The following JARID2 variants were observed in gnomAD, a reference collection of about 807,000 sequenced individuals.
JARID2 encodes protein Jumonji.
Under a neutral mutation model 125.6 loss-of-function variants are expected in JARID2, and 21 were observed. The ratio of observed to expected loss-of-function variants is 0.17; its 90% confidence interval spans 0.12 to 0.24. The LOEUF is 0.24. Ranked by LOEUF, JARID2 falls within the 10% of genes least tolerant of loss-of-function variation. The pLI is 1.00. For synonymous variants in JARID2, 736 were observed against 661.6 expected (o/e 1.11, Z -1.73); for missense variants, 1,303 against 1,639.6 (o/e 0.79, Z 3.55).
chr6:15,461,750 G>A (rs149319683), intron 4 of JARID2, among the ~76,000 whole-genome samples: 126 of 152,290 alleles, frequency 8.3e-4, no homozygotes, highest in Middle Eastern at 6.8e-3. Flanking sequence ...CCATAAAAAT[G>A]TTTCGACTGA....
At chr6:15,473,246 TG>T (rs1769162259) in intron 5 of JARID2, among the ~76,000 whole-genome samples, 1 of 152,166 alleles carries the variant, frequency 6.6e-6, no homozygotes, top group Non-Finnish European at 1.5e-5. Flanking sequence ...GATTAACTTC[TG>T]TATAAATGAG....
intron 1 of JARID2, among the ~76,000 whole-genome samples, chr6:15,319,850 A>T (rs747675439): frequency 6.6e-6 from 1 of 152,192 alleles, no homozygotes; most frequent in Non-Finnish European, 1.5e-5. Flanking sequence ...TCTTAAACAA[A>T]TTATGCAAAT....
rs778296232 is a variant in JARID2 at position 15,298,679 on chromosome 6, C to CA, written c.45+52110dup. Among the ~76,000 whole-genome samples, 468 of 81,074 alleles carry CA rather than the reference C, an allele frequency of 5.8e-3. 2 individuals carry two copies. The highest frequency in any genetic ancestry group is 0.027 in the East Asian group (76 of 2,794). The allele number at this position is 81,074 out of a possible 152,430, so 53.2% of individuals were successfully genotyped here. ...TGGGCAACAGAGTGAGACTCCATCT[C>CA]AAAAAAAAAAAAAAAGAAAAAATTT... is the stretch of plus-strand genomic sequence containing the variant. On this transcript the variant is annotated intron_variant, in intron 1 of 17. Transcript: ENST00000341776.
At chr6:15,468,739 G>C (rs777140446) in intron 5 of JARID2, 21 bp downstream of exon 5, 45 of 1,592,884 alleles carry the variant, frequency 2.8e-5, no homozygotes, top group Non-Finnish European at 3.5e-5. Flanking sequence ...CGTTGAACTT[G>C]GATAAGAAAA....
intron 5 of JARID2, among the ~76,000 whole-genome samples, chr6:15,469,011 A>T (rs1448821054): frequency 6.6e-6 from 1 of 152,134 alleles, no homozygotes; most frequent in Non-Finnish European, 1.5e-5. Flanking sequence ...ATGGTCAAGA[A>T]GATTTGGTGA....
chr6:15,415,024 G>A (rs932739532), intron 3 of JARID2, among the ~76,000 whole-genome samples: 2 of 152,168 alleles, frequency 1.3e-5, no homozygotes, highest in African/African-American at 4.8e-5. Context: ...CTCTTAACGA[G>A]CATGCTGCCT....
At chr6:15,251,624 A>G (rs1189675595) in intron 1 of JARID2, among the ~76,000 whole-genome samples, 3 of 152,184 alleles carry the variant, frequency 2.0e-5, no homozygotes, top group African/African-American at 4.8e-5. Context: ...GTTTGTTCCC[A>G]AATCTGGTTA....
intron 14 of JARID2, 92 bp downstream of exon 14, chr6:15,512,482 G>A: frequency 1.7e-6 from 2 of 1,160,008 alleles, no homozygotes; most frequent in Non-Finnish European, 1.3e-6. Context: ...GCGTGTGCGT[G>A]TCTATTTGTC....
At chr6:15,362,861 TGAGA>T (rs1447646355) in intron 1 of JARID2, among the ~76,000 whole-genome samples, 5 of 152,228 alleles carry the variant, frequency 3.3e-5, no homozygotes, top group Non-Finnish European at 7.4e-5. Flanking sequence ...TCCAAGGAAT[TGAGA>T]GACAGACAGG....
chr6:15,471,443 G>T (rs931666358), intron 5 of JARID2, among the ~76,000 whole-genome samples: 1 of 152,170 alleles, frequency 6.6e-6, no homozygotes, highest in African/African-American at 2.4e-5. Context: ...ACCCTCATCT[G>T]TTGTCTTCTG....
Position 15,513,047 on chromosome 6 carries a change from T to TA in JARID2, c.3266+4dup, listed in dbSNP as rs1435545764. The stretch of plus-strand genomic sequence containing the variant: ...CTCAGCCCTCCTGGATGAGCTCAGG[T>TA]AACAGACCCCCAGAGCCCACGCCAG... On this transcript the variant is annotated splice_region_variant and intron_variant, in intron 15 of 17. Transcript: ENST00000341776. 2.5e-6 allele frequency: 4 copies of TA among 1,613,904 alleles called. No individual in the cohort carries two copies. Among genetic ancestry groups the TA allele is most frequent in the Non-Finnish European group, 3.4e-6 (4 of 1,180,004 alleles).
chr6:15,487,689 A>C, intron 6 of JARID2, 147 bp downstream of exon 6: 1 of 723,540 alleles, frequency 1.4e-6, no homozygotes, highest in Non-Finnish European at 2.3e-6. Context: ...GCACCTTTGC[A>C]TGAGCTGCAG....
intron 1 of JARID2, among the ~76,000 whole-genome samples, chr6:15,330,420 T>A (rs1762670229): frequency 6.6e-6 from 1 of 152,236 alleles, no homozygotes; most frequent in South Asian, 2.1e-4. Flanking sequence ...TACAACACAG[T>A]GGTCACGACC....
intron 1 of JARID2, among the ~76,000 whole-genome samples, chr6:15,263,448 G>T (rs1424468409): frequency 6.6e-6 from 1 of 151,940 alleles, no homozygotes; most frequent in East Asian, 1.9e-4. Context: ...ACTACCCTTC[G>T]TAATGAACTC....
chr6:15,419,898 T>A (rs2127585458), intron 3 of JARID2, among the ~76,000 whole-genome samples: 1 of 152,356 alleles, frequency 6.6e-6, no homozygotes, highest in South Asian at 2.1e-4. Context: ...GTAGATTTCA[T>A]TTACTATGGA....
chr6:15,301,799 C>T (rs1354895209), intron 1 of JARID2, among the ~76,000 whole-genome samples: 8 of 152,148 alleles, frequency 5.3e-5, no homozygotes, highest in Non-Finnish European at 8.8e-5. Context: ...TGTTGGTAAA[C>T]ATGTTTTATT....
At chr6:15,332,487 A>T in intron 1 of JARID2, among the ~76,000 whole-genome samples, 1 of 152,352 alleles carries the variant, frequency 6.6e-6, no homozygotes, top group African/African-American at 2.4e-5. Context: ...AGCAATATTT[A>T]ATAGCTCTGT....
intron 1 of JARID2, among the ~76,000 whole-genome samples, chr6:15,324,194 A>AT (rs1478905357): frequency 6.6e-6 from 1 of 151,070 alleles, no homozygotes; most frequent in Non-Finnish European, 1.5e-5. Flanking sequence ...AAAAAAAAAA[A>AT]CTGGAAAAAA....
chr6:15,415,966 TCAGA>T (rs1392940112), intron 3 of JARID2, among the ~76,000 whole-genome samples: 3 of 140,456 alleles, frequency 2.1e-5, no homozygotes, highest in Admixed American at 7.0e-5. Flanking sequence ...TCCTCACTTC[TCAGA>T]CAGGGCGGCT....
Sources: allele counts gnomAD v4.1 joint callset (sites outside exome capture counted in the v4.1 genomes callset), GRCh38; gene constraint gnomAD v4.1.1; transcripts MANE v1.5; gene names NCBI Gene and HGNC (gene_info 2026-07-23, HGNC 2026-07-21).